Variants in ANXA8 observed in about 807,000 individuals in gnomAD.
ANXA8 encodes the protein VAC-beta.
Under a neutral mutation model 26.8 loss-of-function variants are expected in ANXA8, and 9 were observed. That is an observed-to-expected ratio of 0.34 (90% CI 0.20 to 0.59). The LOEUF (loss-of-function observed/expected upper bound fraction) is 0.59. Among genes scored for constraint, ANXA8 ranks in the 20% least tolerant of loss-of-function variants. The pLI, the probability that ANXA8 is intolerant of heterozygous loss-of-function variation, is 0.84. For missense variants in ANXA8, 83 were observed against 238.5 expected, an observed-to-expected ratio of 0.35 and a Z score of 4.29; for synonymous variants, 39 against 94.8, an observed-to-expected ratio of 0.41 and a Z score of 3.42.
At chr10:47,591,283 G>T in the ANXA8 span, among the ~76,000 whole-genome samples, 1 of 144,008 alleles carries the variant, frequency 6.9e-6, no homozygotes, top group Admixed American at 6.8e-5. Context: ...TCTCATTTAT[G>T]CTTCCTATTG....
At chr10:47,647,243 G>A in the ANXA8 span, among the ~76,000 whole-genome samples, 1 of 151,896 alleles carries the variant, frequency 6.6e-6, no homozygotes, top group Admixed American at 6.6e-5. Context: ...ATTTTAATAT[G>A]TATACATTTT....
chr10:47,745,882 A>G, the ANXA8 span, among the ~76,000 whole-genome samples: 13 of 151,174 alleles, frequency 8.6e-5, no homozygotes, highest in African/African-American at 2.7e-4. Flanking sequence ...GCTTTGGCCA[A>G]TGGGATATTG....
chr10:47,535,120 G>A, the ANXA8 span, among the ~76,000 whole-genome samples: 716 of 125,572 alleles, frequency 5.7e-3, 83 homozygotes, highest in Non-Finnish European at 6.4e-3. Context: ...GATCATGGGC[G>A]CGCAACACAT....
the ANXA8 span, among the ~76,000 whole-genome samples, chr10:47,579,864 TAAC>T: frequency 1.4e-5 from 2 of 140,748 alleles, no homozygotes; most frequent in East Asian, 4.0e-4. Flanking sequence ...CAAGAAGATG[TAAC>T]AATTATAAAC....
the ANXA8 span, among the ~76,000 whole-genome samples, chr10:47,682,867 A>T: frequency 2.0e-5 from 3 of 152,180 alleles, no homozygotes; most frequent in Admixed American, 6.5e-5. Context: ...CCCTGGAACA[A>T]GAGTGAAAGG....
the ANXA8 span, among the ~76,000 whole-genome samples, chr10:47,776,241 C>T: frequency 2.0e-5 from 3 of 150,122 alleles, no homozygotes; most frequent in African/African-American, 7.4e-5. Context: ...TTCCCCCAAA[C>T]AAGTTGCAGG....
rs2132407411 is a variant in ANXA8, at chr10:47,476,284, C to T, written c.360G>A (p.Leu120=). ...GTKEGVIIEI[L]ASRTKNQLRE... The stretch of plus-strand genomic sequence containing the variant: ...GCAGCTGGTTCTTGGTCCGAGAGGC[C>T]AGGATCTCAATGATGACACCCTCCT... Residue 120 remains leucine, a synonymous_variant, in exon 5 of 12, where the codon CTG becomes CTA. Transcript: ENST00000585281. 3.6e-6 allele frequency: 2 copies of T among 552,732 alleles called. No homozygotes were observed. Among genetic ancestry groups the T allele is most frequent in the East Asian group, 8.1e-5 (1 of 12,404 alleles). 34.2% of individuals were successfully genotyped at this position (552,732 alleles called of 1,614,324 possible).
the ANXA8 span, among the ~76,000 whole-genome samples, chr10:47,948,231 G>T: frequency 7.9e-6 from 1 of 127,188 alleles, no homozygotes; most frequent in Admixed American, 8.2e-5. Context: ...AACAATGTTT[G>T]GTGTCATATA....
the ANXA8 span, among the ~76,000 whole-genome samples, chr10:47,528,110 T>C: frequency 1.9e-3 from 267 of 137,634 alleles, 2 homozygotes; most frequent in African/African-American, 6.5e-3. Context: ...GATGGAGTCT[T>C]GCTCTGTCAC....
chr10:47,552,227 GATGGAA>G, the ANXA8 span, among the ~76,000 whole-genome samples: 1,206 of 151,846 alleles, frequency 7.9e-3, 12 homozygotes, highest in Non-Finnish European at 0.012. Flanking sequence ...TTTCTGCAAG[GATGGAA>G]ATATTCTATA....
chr10:47,958,641 G>A, the ANXA8 span, among the ~76,000 whole-genome samples: 3 of 148,068 alleles, frequency 2.0e-5, no homozygotes, highest in Admixed American at 1.3e-4. Context: ...AGTCTATGCC[G>A]GAGGTACTCC....
chr10:47,699,158 C>T, the ANXA8 span, among the ~76,000 whole-genome samples: 1 of 150,352 alleles, frequency 6.7e-6, no homozygotes, highest in Non-Finnish European at 1.5e-5. Context: ...ACCAGCCTGG[C>T]CAACATAGCA....
the ANXA8 span, among the ~76,000 whole-genome samples, chr10:47,743,688 C>T: frequency 2.0e-5 from 3 of 149,036 alleles, no homozygotes; most frequent in East Asian, 6.1e-4. Flanking sequence ...GCTGGAGACA[C>T]GCTGCGGGAG....
the ANXA8 span, among the ~76,000 whole-genome samples, chr10:47,988,021 G>GC: frequency 2.2e-5 from 1 of 45,454 alleles, no homozygotes; most frequent in African/African-American, 1.1e-4. Flanking sequence ...TCTGGAAATC[G>GC]TTTGAGCTTC....
chr10:47,679,624 A>AAAACC, the ANXA8 span, among the ~76,000 whole-genome samples: 2 of 141,954 alleles, frequency 1.4e-5, no homozygotes, highest in South Asian at 4.4e-4. Flanking sequence ...AAAACAAAAC[A>AAAACC]AAACCAAAAA....
At chr10:47,764,317 G>GCAA in the ANXA8 span, among the ~76,000 whole-genome samples, 1 of 151,716 alleles carries the variant, frequency 6.6e-6, no homozygotes, top group Non-Finnish European at 1.5e-5. Context: ...TGTTGCCCCT[G>GCAA]CAACAAAGTA....
upstream of ANXA8, chr10:47,484,863 G>A (rs1160829968): frequency 4.5e-6 from 2 of 443,914 alleles, no homozygotes; most frequent in South Asian, 2.3e-5. Flanking sequence ...TTCTGGCTGG[G>A]GCACCTACAT....
the ANXA8 span, among the ~76,000 whole-genome samples, chr10:47,743,795 C>T: frequency 1.3e-5 from 2 of 149,890 alleles, no homozygotes; most frequent in African/African-American, 5.0e-5. Flanking sequence ...CCTCGCGGCC[C>T]GGCCTGACCT....
the ANXA8 span, among the ~76,000 whole-genome samples, chr10:47,647,048 G>A: frequency 8.5e-5 from 13 of 152,214 alleles, no homozygotes; most frequent in African/African-American, 3.1e-4. Context: ...ATGCAAAGTT[G>A]GGAGGAGATG....
Sources: gnomAD v4.1 joint callset for allele counts (sites outside exome capture counted in the v4.1 genomes callset) on GRCh38, gnomAD v4.1.1 for gene constraint, MANE v1.5 for transcripts, NCBI Gene and HGNC (gene_info 2026-07-23, HGNC 2026-07-21) for gene names.